The following EXOC4 variants were observed in gnomAD, a reference collection of about 807,000 sequenced individuals.
EXOC4 encodes the protein exocyst complex component 4.
Under a neutral mutation model 107.2 loss-of-function variants are expected in EXOC4, and 71 were observed. The observed-to-expected ratio is 0.66, with a 90% CI of 0.55 to 0.81. The LOEUF is 0.81. EXOC4 is among the 30% of genes least tolerant of loss of function. EXOC4 has a pLI of 0.00. For synonymous variants in EXOC4, 456 were observed against 441.2 expected (o/e 1.03, Z -0.42); for missense variants, 1,108 against 1,189.6 (o/e 0.93, Z 1.01).
chr7:133,657,295 A>T (rs1312261071), intron 10 of EXOC4, among the ~76,000 whole-genome samples: 2 of 152,168 alleles, frequency 1.3e-5, no homozygotes, highest in Non-Finnish European at 2.9e-5. Context: ...TACTGAGCAT[A>T]GAGAAATAAA....
intron 10 of EXOC4, among the ~76,000 whole-genome samples, chr7:133,728,332 T>G (rs1253130571): frequency 6.6e-6 from 1 of 152,218 alleles, no homozygotes; most frequent in African/African-American, 2.4e-5. Context: ...GGATTATTTC[T>G]GTGACACTAT....
At chr7:133,850,774 T>C (rs1798226161) in intron 11 of EXOC4, among the ~76,000 whole-genome samples, 1 of 152,144 alleles carries the variant, frequency 6.6e-6, no homozygotes, top group African/African-American at 2.4e-5. Context: ...CTGGCCTCCT[T>C]TCCTTTTTTA....
intron 9 of EXOC4, among the ~76,000 whole-genome samples, chr7:133,575,176 AT>A (rs1237466239): frequency 6.6e-6 from 1 of 151,904 alleles, no homozygotes; most frequent in East Asian, 1.9e-4. Context: ...TGGCTTCCTA[AT>A]TTCATTGCTA....
At chr7:133,411,371 A>C (rs1563055670) in intron 7 of EXOC4, among the ~76,000 whole-genome samples, 1 of 152,166 alleles carries the variant, frequency 6.6e-6, no homozygotes, top group Non-Finnish European at 1.5e-5. Flanking sequence ...TATTCTGTAG[A>C]TCATAGATCC....
At chr7:133,362,747 A>T (rs1029582118) in intron 6 of EXOC4, among the ~76,000 whole-genome samples, 4 of 152,312 alleles carry the variant, frequency 2.6e-5, no homozygotes, top group African/African-American at 9.6e-5. Flanking sequence ...AATAAATGAA[A>T]TATTGCTCAT....
intron 10 of EXOC4, among the ~76,000 whole-genome samples, chr7:133,648,603 A>C (rs891026640): frequency 6.6e-6 from 1 of 152,194 alleles, no homozygotes; most frequent in Non-Finnish European, 1.5e-5. Context: ...AAGGGGAGGA[A>C]GACAATTCTG....
chr7:133,932,171 A>T (rs1339406469), intron 13 of EXOC4, among the ~76,000 whole-genome samples: 2 of 152,212 alleles, frequency 1.3e-5, no homozygotes, highest in African/African-American at 4.8e-5. Flanking sequence ...TTGCTTTCGT[A>T]ATATTGCTTA....
chr7:133,627,430 G>A (rs1802482496), intron 9 of EXOC4, among the ~76,000 whole-genome samples: 1 of 152,202 alleles, frequency 6.6e-6, no homozygotes, highest in East Asian at 1.9e-4. Context: ...AAATCATCTA[G>A]TCTATCTCGT....
intron 10 of EXOC4, among the ~76,000 whole-genome samples, chr7:133,800,038 TCC>T (rs1796903316): frequency 4.7e-5 from 1 of 21,408 alleles, no homozygotes; most frequent in Admixed American, 3.5e-4. Context: ...CATCCATCCA[TCC>T]ACCCACCCAC....
At chr7:133,888,980 C>A (rs911094111) in intron 11 of EXOC4, among the ~76,000 whole-genome samples, 2 of 152,170 alleles carry the variant, frequency 1.3e-5, no homozygotes, top group Non-Finnish European at 2.9e-5. Flanking sequence ...TCATGATTAT[C>A]ATGATTATTA....
At chr7:133,336,406 C>A (rs1470100247) in intron 5 of EXOC4, among the ~76,000 whole-genome samples, 1 of 152,092 alleles carries the variant, frequency 6.6e-6, no homozygotes. Context: ...TTTATTACAT[C>A]TTGCCAAATT....
At chr7:134,076,129 G>A in the EXOC4 span, among the ~76,000 whole-genome samples, 1 of 152,146 alleles carries the variant, frequency 6.6e-6, no homozygotes, top group Non-Finnish European at 1.5e-5. Flanking sequence ...GTTGAGTGGA[G>A]GATTGAGAAT....
chr7:133,698,028 T>G (rs1049149951), intron 10 of EXOC4, among the ~76,000 whole-genome samples: 1 of 152,172 alleles, frequency 6.6e-6, no homozygotes, highest in Non-Finnish European at 1.5e-5. Flanking sequence ...AGCTGTTTTA[T>G]AAATGTGTTG....
intron 11 of EXOC4, among the ~76,000 whole-genome samples, chr7:133,885,563 G>C (rs1278792971): frequency 6.6e-6 from 1 of 151,902 alleles, no homozygotes; most frequent in Non-Finnish European, 1.5e-5. Flanking sequence ...TAGTGGAAGA[G>C]ATAGCCAATT....
chr7:133,412,109 G>T (rs1407709005), intron 7 of EXOC4, among the ~76,000 whole-genome samples: 1 of 151,924 alleles, frequency 6.6e-6, no homozygotes, highest in Non-Finnish European at 1.5e-5. Flanking sequence ...ATAATCACTT[G>T]TCTATCAGTG....
intron 11 of EXOC4, among the ~76,000 whole-genome samples, chr7:133,884,231 C>CT (rs956238651): frequency 6.6e-6 from 1 of 152,136 alleles, no homozygotes; most frequent in Admixed American, 6.5e-5. Flanking sequence ...TTATTATGGG[C>CT]TTACATACAG....
At chr7:133,691,317 A>G (rs1420484165) in intron 10 of EXOC4, among the ~76,000 whole-genome samples, 3 of 152,218 alleles carry the variant, frequency 2.0e-5, no homozygotes, top group African/African-American at 7.2e-5. Flanking sequence ...AGAGATGCAC[A>G]TAGATATACC....
intron 10 of EXOC4, chr7:133,768,470 T>A (rs1003440571): frequency 6.6e-6 from 1 of 152,076 alleles, no homozygotes; most frequent in East Asian, 1.9e-4. Context: ...AGAAATCTAC[T>A]GTGTCTACAA....
intron 10 of EXOC4, among the ~76,000 whole-genome samples, chr7:133,635,323 G>A (rs145517438): frequency 6.6e-6 from 1 of 152,038 alleles, no homozygotes; most frequent in Admixed American, 6.5e-5. Context: ...TGTTATTTGT[G>A]GGATTTGTGG....
Sources: allele counts gnomAD v4.1 joint callset (sites outside exome capture counted in the v4.1 genomes callset), GRCh38; gene constraint gnomAD v4.1.1; transcripts MANE v1.5; gene names NCBI Gene and HGNC (gene_info 2026-07-23, HGNC 2026-07-21).